Variants in NAALADL2 observed in about 807,000 individuals in gnomAD.
NAALADL2 encodes inactive N-acetylated-alpha-linked acidic dipeptidase-like protein 2.
A neutral mutation model predicts 87.2 loss-of-function variants in NAALADL2; 76 were observed. The observed-to-expected ratio is 0.87, with a 90% CI of 0.72 to 1.05. The LOEUF (loss-of-function observed/expected upper bound fraction) is 1.05. Among genes scored for constraint, NAALADL2 ranks in the 50% least tolerant of loss-of-function variants. NAALADL2 has a pLI of 0.00. For synonymous variants in NAALADL2, 354 were observed against 331.0 expected (o/e 1.07, Z -0.75); for missense variants, 1,089 against 945.8 (o/e 1.15, Z -1.99).
At chr3:175,060,021 G>GA in intron 1 of NAALADL2, 1 of 411,158 alleles carries the variant, frequency 2.4e-6, no homozygotes, top group Non-Finnish European at 4.8e-6. Context: ...TCAGGTCTCT[G>GA]AAACCCATGG....
At chr3:175,355,333 G>A (rs1227537403) in intron 5 of NAALADL2, among the ~76,000 whole-genome samples, 1 of 151,988 alleles carries the variant, frequency 6.6e-6, no homozygotes, top group Non-Finnish European at 1.5e-5. Flanking sequence ...TCCTCCCAAA[G>A]TGCTGTGATT....
At chr3:175,479,293 TAAAC>T (rs907526317) in intron 9 of NAALADL2, among the ~76,000 whole-genome samples, 9 of 151,830 alleles carry the variant, frequency 5.9e-5, no homozygotes, top group African/African-American at 2.2e-4. Context: ...AATAAATAGT[TAAAC>T]AAACAAATAT....
intron 2 of NAALADL2, among the ~76,000 whole-genome samples, chr3:175,203,127 CCTG>C (rs1560159307): frequency 2.0e-5 from 3 of 152,090 alleles, no homozygotes; most frequent in African/African-American, 7.2e-5. Context: ...CGCACCCTCC[CCTG>C]AGGTCTGGTC....
chr3:175,680,434 T>C (rs890164463), intron 11 of NAALADL2, among the ~76,000 whole-genome samples: 10 of 152,210 alleles, frequency 6.6e-5, no homozygotes, highest in Admixed American at 3.9e-4. Context: ...TATATACACA[T>C]TGAAAGTCAA....
At chr3:175,667,821 A>G (rs1219024799) in intron 11 of NAALADL2, among the ~76,000 whole-genome samples, 1 of 148,368 alleles carries the variant, frequency 6.7e-6, no homozygotes. Context: ...CTGTGAGTCT[A>G]TCATGAGAGG....
At chr3:175,797,621 A>C (rs1231162422) in intron 13 of NAALADL2, among the ~76,000 whole-genome samples, 1 of 152,084 alleles carries the variant, frequency 6.6e-6, no homozygotes, top group Admixed American at 6.5e-5. Context: ...TTGACTGGCT[A>C]TTGGTCAGTT....
intron 2 of NAALADL2, among the ~76,000 whole-genome samples, chr3:175,125,075 C>T (rs958253687): frequency 1.3e-5 from 2 of 151,964 alleles, no homozygotes; most frequent in Admixed American, 1.3e-4. Flanking sequence ...TGTTCTAGAT[C>T]TGCATTGTTC....
rs115856192 is a variant in NAALADL2 at position 174,729,680 on chromosome 3, T to C, written c.-114-7961T>C. ...CTTTTAATATAACTTTTCTTTGAAT[T>C]TAATATTTTGAGTGGACTATTCAAG... On this transcript the variant is annotated intron_variant, in intron 2 of 3. Transcript: ENST00000434257. Among the ~76,000 whole-genome samples, 939 of 152,136 alleles carry C rather than the reference T, an allele frequency of 6.2e-3. 6 individuals are homozygous for C. The highest frequency in any genetic ancestry group is 0.021 in the African/African-American group (892 of 41,558).
intron 1 of NAALADL2, among the ~76,000 whole-genome samples, chr3:174,948,083 C>A (rs1322380198): frequency 2.0e-5 from 3 of 152,016 alleles, no homozygotes; most frequent in African/African-American, 7.2e-5. Context: ...AAATTTAATT[C>A]TTTAAAATAC....
At chr3:175,374,367 C>T (rs1343560902) in intron 5 of NAALADL2, among the ~76,000 whole-genome samples, 2 of 150,006 alleles carry the variant, frequency 1.3e-5, no homozygotes, top group South Asian at 2.1e-4. Context: ...CAGCTTGGCC[C>T]ACATGGTGAG....
At chr3:174,981,568 A>G (rs1745117801) in intron 1 of NAALADL2, among the ~76,000 whole-genome samples, 1 of 152,212 alleles carries the variant, frequency 6.6e-6, no homozygotes, top group African/African-American at 2.4e-5. Context: ...TTTAATAAAT[A>G]ATGTAATAAA....
At chr3:175,039,386 T>G (rs974931707) in intron 1 of NAALADL2, among the ~76,000 whole-genome samples, 4 of 152,148 alleles carry the variant, frequency 2.6e-5, no homozygotes, top group Admixed American at 2.6e-4. Flanking sequence ...CAGGCTGGTC[T>G]CGAACTCCTG....
intron 3 of NAALADL2, among the ~76,000 whole-genome samples, chr3:174,846,787 C>A (rs1206105723): frequency 6.6e-6 from 1 of 151,994 alleles, no homozygotes. Context: ...AACATGTTGA[C>A]ATTATTGGGC....
intron 9 of NAALADL2, among the ~76,000 whole-genome samples, chr3:175,489,289 C>A (rs1727727413): frequency 6.6e-6 from 1 of 151,990 alleles, no homozygotes; most frequent in African/African-American, 2.4e-5. Context: ...TAATGAAAAT[C>A]AAGCAACATA....
intron 3 of NAALADL2, among the ~76,000 whole-genome samples, chr3:174,817,430 TG>T (rs1720927078): frequency 6.6e-6 from 1 of 152,070 alleles, no homozygotes; most frequent in African/African-American, 2.4e-5. Context: ...AGTGACACCA[TG>T]TCTCTACAAA....
rs548003250 is a variant in NAALADL2 at position 175,257,654 on chromosome 3, G to A, written c.939+1124G>A. ...GATGATGTGACAAAATATTAGAAATGATATATACATCCAATTTAGTATTTG... is the reference window on the plus strand; with the variant it reads ...GATGATGTGACAAAATATTAGAAATAATATATACATCCAATTTAGTATTTG... On this transcript the variant is annotated intron_variant, in intron 4 of 13. Coordinates refer to ENST00000454872, the MANE Select transcript of NAALADL2 (RefSeq NM_207015.3). Among the ~76,000 whole-genome samples the A allele has an allele frequency of 5.3e-5, 8 of 152,106 alleles. No individual in the cohort carries two copies. In the South Asian group the frequency reaches 1.7e-3, roughly 32 times the overall value.
At chr3:175,039,793 T>A (rs2108961601) in intron 1 of NAALADL2, among the ~76,000 whole-genome samples, 1 of 152,306 alleles carries the variant, frequency 6.6e-6, no homozygotes, top group African/African-American at 2.4e-5. Flanking sequence ...TATTCCATTT[T>A]TCCAAAGCAA....
Position 175,685,900 on chromosome 3 carries a change from C to T in NAALADL2, c.1897-51406C>T, listed in dbSNP as rs561846476. Reference sequence around the variant, plus strand: ...AAGGCAATCTGCTTTATTTAGAACACGTTTTAAAATTAACGTCAAAGCACC... The same window carrying T: ...AAGGCAATCTGCTTTATTTAGAACATGTTTTAAAATTAACGTCAAAGCACC... On this transcript the variant is annotated intron_variant, in intron 11 of 13. Transcript: ENST00000454872. Among the ~76,000 whole-genome samples, 373 of 152,256 alleles carry T rather than the reference C, an allele frequency of 2.4e-3. 5 individuals carry two copies. Among genetic ancestry groups the T allele is most frequent in the African/African-American group, 8.8e-3 (366 of 41,552 alleles).
At chr3:175,324,103 T>C (rs1279740196) in intron 4 of NAALADL2, 72 bp from the exon 5 acceptor site, 21 of 1,192,898 alleles carry the variant, frequency 1.8e-5, no homozygotes, top group Non-Finnish European at 1.5e-5. Context: ...CATAGCCACA[T>C]TGGCAAAATG....
Sources: gnomAD v4.1 joint callset for allele counts (sites outside exome capture counted in the v4.1 genomes callset) on GRCh38, gnomAD v4.1.1 for gene constraint, MANE v1.5 for transcripts, NCBI Gene and HGNC (gene_info 2026-07-23, HGNC 2026-07-21) for gene names.